The following ZPLD1 variants were observed in gnomAD, a reference collection of about 807,000 sequenced individuals.
ZPLD1 encodes zona pellucida like domain containing 1, also known as zona pellucida-like domain-containing protein 1.
ZPLD1 carries 34 observed loss-of-function variants against 47.2 expected under a neutral mutation model. That is an observed-to-expected ratio of 0.72 (90% confidence interval 0.55 to 0.96). ZPLD1 has a LOEUF of 0.96. ZPLD1 is among the 40% of genes least tolerant of loss of function. The pLI is 0.00. For synonymous variants in ZPLD1, 176 were observed against 186.2 expected, an observed-to-expected ratio of 0.95 and a Z score of 0.45; for missense variants, 512 against 505.8, an observed-to-expected ratio of 1.01 and a Z score of -0.12.
chr3:102,476,212 C>T (rs575013183), intron 10 of ZPLD1, among the ~76,000 whole-genome samples: 28 of 152,074 alleles, frequency 1.8e-4, no homozygotes, highest in East Asian at 5.8e-4. Context: ...GTCAATTGCA[C>T]GCATTATATG....
intron 8 of ZPLD1, among the ~76,000 whole-genome samples, chr3:102,428,103 G>A (rs1427179911): frequency 1.3e-5 from 2 of 152,150 alleles, no homozygotes; most frequent in Non-Finnish European, 2.9e-5. Flanking sequence ...GAAAAAAAGA[G>A]GGAAGTGCAA....
upstream of ZPLD1, among the ~76,000 whole-genome samples, chr3:102,434,164 T>C (rs749589406): frequency 1.1e-4 from 17 of 152,202 alleles, no homozygotes; most frequent in Non-Finnish European, 1.8e-4. Context: ...AAAAATTAAA[T>C]CTATGTAATT....
At chr3:102,458,078 G>C (rs553006822) in intron 6 of ZPLD1, among the ~76,000 whole-genome samples, 1 of 151,962 alleles carries the variant, frequency 6.6e-6, no homozygotes, top group African/African-American at 2.4e-5. Flanking sequence ...ATTTTATATC[G>C]TAAGTGTGAT....
Position 102,477,780 on chromosome 3 carries a change from T to G in ZPLD1, c.*162T>G. 2 of 610,986 alleles carry G rather than the reference T, an allele frequency of 3.3e-6. No individual in the cohort carries two copies. The highest frequency in any genetic ancestry group is 5.1e-6 in the Non-Finnish European group (2 of 390,602). The allele number at this position is 610,986 out of a possible 1,614,324, so 37.8% of individuals were successfully genotyped here. On this transcript the variant is annotated 3_prime_UTR_variant, in exon 12 of 12. Coordinates refer to ENST00000466937, the MANE Select transcript of ZPLD1 (RefSeq NM_001329788.2). ...CAGCATAATGATAGTGAAAGAAGTT[T>G]ATTATATTGCTATTGTCACTTATGT...
chr3:102,388,271 T>C (rs902019635), intron 6 of ZPLD1, among the ~76,000 whole-genome samples: 1 of 152,166 alleles, frequency 6.6e-6, no homozygotes, highest in Admixed American at 6.5e-5. Context: ...TCCTGGAGGA[T>C]ATACTGAGAG....
At chr3:102,392,084 TA>T (rs1427630150) in intron 6 of ZPLD1, 2 of 152,014 alleles carry the variant, frequency 1.3e-5, no homozygotes, top group Admixed American at 6.5e-5. Flanking sequence ...AAGACGAAAA[TA>T]TTTTTTTAAT....
At chr3:102,454,381 G>C (rs1013729747) in intron 4 of ZPLD1, among the ~76,000 whole-genome samples, 1 of 152,136 alleles carries the variant, frequency 6.6e-6, no homozygotes, top group Non-Finnish European at 1.5e-5. Flanking sequence ...GAAGGAAAGA[G>C]CCTATGTGGA....
chr3:102,425,924 T>C (rs1325636457), intron 8 of ZPLD1, among the ~76,000 whole-genome samples: 1 of 151,268 alleles, frequency 6.6e-6, no homozygotes, highest in Admixed American at 6.6e-5. Flanking sequence ...TATAGTTATT[T>C]AGTCACTTAG....
chr3:102,387,596 C>T (rs1176310080), intron 6 of ZPLD1, among the ~76,000 whole-genome samples: 5 of 152,090 alleles, frequency 3.3e-5, no homozygotes, highest in African/African-American at 1.2e-4. Flanking sequence ...GGTTAAGAAT[C>T]ATTTTCTCTC....
At chr3:102,438,666 A>C in intron 3 of ZPLD1, 73 bp downstream of exon 3, 1 of 1,145,726 alleles carries the variant, frequency 8.7e-7, no homozygotes. Flanking sequence ...AGTCATTTAA[A>C]TATATATGGA....
At chr3:102,398,328 G>A (rs938167408) in intron 7 of ZPLD1, among the ~76,000 whole-genome samples, 1 of 152,026 alleles carries the variant, frequency 6.6e-6, no homozygotes, top group East Asian at 1.9e-4. Context: ...AGGCAGCAGA[G>A]GTCTAGGGAA....
intron 1 of ZPLD1, 150 bp downstream of exon 1, chr3:102,435,304 G>A (rs1707072556): frequency 1.2e-6 from 1 of 806,546 alleles, no homozygotes; most frequent in Admixed American, 2.4e-5. Flanking sequence ...AAGAGATATG[G>A]GTGTCCTTTT....
chr3:102,444,035 G>A (rs1459380045), intron 3 of ZPLD1, among the ~76,000 whole-genome samples: 2 of 152,236 alleles, frequency 1.3e-5, no homozygotes, highest in South Asian at 4.1e-4. Flanking sequence ...ATGATAAAGT[G>A]CAGTGGAGAA....
rs377412760 is a variant in ZPLD1, at chr3:102,406,894, C to A, written c.-156-11166C>A. ...TCTTTTATTTATACAATGAGGTGGTCAGCTTGAACATATCGTGCAAATGTT... is the reference window on the plus strand; with the variant it reads ...TCTTTTATTTATACAATGAGGTGGTAAGCTTGAACATATCGTGCAAATGTT... On this transcript the variant is annotated intron_variant, in intron 7 of 17. Coordinates refer to the ZPLD1 transcript ENST00000491959. Among the ~76,000 whole-genome samples, 76 of 151,902 alleles carry A rather than the reference C, an allele frequency of 5.0e-4. 1 individual carries two copies. The highest frequency in any genetic ancestry group is 1.8e-3 in the African/African-American group (74 of 41,502).
chr3:102,456,141 T>G, intron 4 of ZPLD1, 52 bp from the exon 5 acceptor site: 4 of 1,481,182 alleles, frequency 2.7e-6, no homozygotes, highest in Non-Finnish European at 3.7e-6. Context: ...ATGAAGTGCC[T>G]AGATGTATAT....
intron 7 of ZPLD1, among the ~76,000 whole-genome samples, chr3:102,406,369 T>C (rs1209181648): frequency 6.6e-6 from 1 of 151,926 alleles, no homozygotes; most frequent in Non-Finnish European, 1.5e-5. Context: ...GTAATTGCAA[T>C]ATGTAATTCT....
chr3:102,469,184 G>A, intron 9 of ZPLD1, 49 bp downstream of exon 9: 1 of 1,553,554 alleles, frequency 6.4e-7, no homozygotes, highest in Admixed American at 2.0e-5. Context: ...GATCTAAGCT[G>A]AAAGGTTATC....
intron 2 of ZPLD1, among the ~76,000 whole-genome samples, chr3:102,437,896 T>C (rs1181103769): frequency 6.6e-6 from 1 of 152,230 alleles, no homozygotes; most frequent in Non-Finnish European, 1.5e-5. Flanking sequence ...TTCCTTTTGC[T>C]TTATCACTAT....
chr3:102,473,523 C>G (rs1462602940), intron 10 of ZPLD1, among the ~76,000 whole-genome samples: 1 of 152,144 alleles, frequency 6.6e-6, no homozygotes, highest in African/African-American at 2.4e-5. Context: ...GCAGAGCCCC[C>G]AGAGGAGCAC....
Sources: allele counts gnomAD v4.1 joint callset (sites outside exome capture counted in the v4.1 genomes callset), GRCh38; gene constraint gnomAD v4.1.1; transcripts MANE v1.5; gene names NCBI Gene and HGNC (gene_info 2026-07-23, HGNC 2026-07-21).